The following MINDY4 variants were observed in gnomAD, a reference collection of about 807,000 sequenced individuals.
MINDY4 encodes probable ubiquitin carboxyl-terminal hydrolase MINDY-4.
Under a neutral mutation model 87.0 loss-of-function variants are expected in MINDY4, and 68 were observed. The observed-to-expected ratio is 0.78, with a 90% CI of 0.64 to 0.96. MINDY4 has a LOEUF of 0.96. Ranked by LOEUF, MINDY4 falls within the 40% of genes least tolerant of loss-of-function variation. MINDY4 has a pLI of 0.00. For synonymous variants in MINDY4, 379 were observed against 363.2 expected (o/e 1.04, Z -0.50); for missense variants, 919 against 928.2 (o/e 0.99, Z 0.13).
chr7:30,805,711 G>T (rs1025417296), intron 5 of MINDY4, among the ~76,000 whole-genome samples: 1 of 152,168 alleles, frequency 6.6e-6, no homozygotes, highest in Non-Finnish European at 1.5e-5. Context: ...GGGGCAGAAA[G>T]TCAACTGTCG....
At chr7:30,795,972 G>A (rs1787474198) in intron 5 of MINDY4, among the ~76,000 whole-genome samples, 1 of 152,176 alleles carries the variant, frequency 6.6e-6, no homozygotes, top group African/African-American at 2.4e-5. Context: ...CAGCTGATTA[G>A]CAACCTTGAT....
chr7:30,884,100 T>C (rs972086060), intron 17 of MINDY4, among the ~76,000 whole-genome samples: 3 of 152,004 alleles, frequency 2.0e-5, no homozygotes, highest in Admixed American at 6.5e-5. Context: ...TGACGGGGGA[T>C]GCAAAATGGT....
chr7:30,891,896 G>T, intron 17 of MINDY4, 61 bp from the exon 18 acceptor site: 2 of 1,547,074 alleles, frequency 1.3e-6, no homozygotes, highest in Non-Finnish European at 1.8e-6. Flanking sequence ...CAAGAGATGG[G>T]CTCTCATCTG....
intron 5 of MINDY4, among the ~76,000 whole-genome samples, chr7:30,807,719 A>G (rs1421829389): frequency 6.6e-6 from 1 of 152,240 alleles, no homozygotes; most frequent in Non-Finnish European, 1.5e-5. Context: ...ATTGTATAGA[A>G]AAGCACTATG....
At chr7:30,800,315 C>T (rs1787609226) in intron 5 of MINDY4, among the ~76,000 whole-genome samples, 1 of 152,200 alleles carries the variant, frequency 6.6e-6, no homozygotes, top group Non-Finnish European at 1.5e-5. Context: ...GGTTAGGATA[C>T]AGACTCCAGA....
intron 5 of MINDY4, 90 bp downstream of exon 5, chr7:30,791,664 T>G: frequency 7.5e-7 from 1 of 1,338,398 alleles, no homozygotes; most frequent in Non-Finnish European, 1.0e-6. Context: ...GAAGGGAACT[T>G]CTTAGTCTCC....
chr7:30,774,683 AATG>A (rs1006890391), intron 1 of MINDY4, among the ~76,000 whole-genome samples: 128 of 151,830 alleles, frequency 8.4e-4, no homozygotes, highest in African/African-American at 3.0e-3. Context: ...TTCTTGATCT[AATG>A]ATTATGTTTG....
At chr7:30,776,977 T>TTTTCTTTTTTCTTTTCC (rs1786838198) in intron 1 of MINDY4, among the ~76,000 whole-genome samples, 1 of 151,826 alleles carries the variant, frequency 6.6e-6, no homozygotes, top group Non-Finnish European at 1.5e-5. Context: ...ATTTCTTTTC[T>TTTTCTTTTTTCTTTTCC]TTTCTTTCCT....
At chr7:30,885,845 C>G (rs1754602672) in intron 17 of MINDY4, among the ~76,000 whole-genome samples, 1 of 152,154 alleles carries the variant, frequency 6.6e-6, no homozygotes, top group Non-Finnish European at 1.5e-5. Context: ...GTCTGTGTTC[C>G]ATGTCTGCGA....
At chr7:30,824,928 T>C (rs921926645) in intron 5 of MINDY4, among the ~76,000 whole-genome samples, 4 of 152,072 alleles carry the variant, frequency 2.6e-5, no homozygotes, top group Non-Finnish European at 5.9e-5. Flanking sequence ...AGAGATTGAG[T>C]CCTGGTCCCA....
chr7:30,817,406 A>G (rs1411032348), intron 5 of MINDY4, among the ~76,000 whole-genome samples: 1 of 147,780 alleles, frequency 6.8e-6, no homozygotes, highest in Admixed American at 6.7e-5. Flanking sequence ...CATTAAAAAA[A>G]TTTTTTTTAG....
chr7:30,785,723 T>G, intron 3 of MINDY4, 26 bp from the exon 4 acceptor site: 2 of 1,613,204 alleles, frequency 1.2e-6, no homozygotes, highest in Non-Finnish European at 8.5e-7. Flanking sequence ...GGAGTCTGTT[T>G]TAATGGAAAT....
At chr7:30,806,288 A>G (rs561228456) in intron 5 of MINDY4, among the ~76,000 whole-genome samples, 13 of 152,354 alleles carry the variant, frequency 8.5e-5, no homozygotes, top group South Asian at 2.1e-4. Context: ...AGAATTGAAC[A>G]GATTTGGGTG....
chr7:30,812,466 A>C (rs1454459377), intron 5 of MINDY4, among the ~76,000 whole-genome samples: 1 of 152,320 alleles, frequency 6.6e-6, no homozygotes, highest in East Asian at 1.9e-4. Flanking sequence ...ATGAATAGCT[A>C]ATAGGATCTA....
chr7:30,791,622 C>T (rs369576794), intron 5 of MINDY4, 48 bp downstream of exon 5: 57 of 1,545,134 alleles, frequency 3.7e-5, no homozygotes, highest in Non-Finnish European at 4.7e-5. Context: ...GAAGCTCCAC[C>T]TCTCACATGT....
rs546675850 is a variant in MINDY4, at chr7:30,824,331, G to A, written c.1074-4348G>A. Among the ~76,000 whole-genome samples the A allele has an allele frequency of 1.3e-3, 191 of 152,244 alleles. 1 individual carries two copies. Among genetic ancestry groups the A allele is most frequent in the African/African-American group, 4.5e-3 (185 of 41,526 alleles). ...CTCCCATAACAACTTGTTAATTTAT[G>A]ATCCCATTAATCCATTCATGAGGGC... On this transcript the variant is annotated intron_variant, in intron 5 of 17. Transcript: ENST00000265299.
chr7:30,818,323 A>G (rs900584456), intron 5 of MINDY4, among the ~76,000 whole-genome samples: 1 of 152,010 alleles, frequency 6.6e-6, no homozygotes, highest in Admixed American at 6.5e-5. Context: ...TTTATTTTAT[A>G]TTTTTGTATT....
At chr7:30,886,732 A>G (rs1790642531) in intron 17 of MINDY4, among the ~76,000 whole-genome samples, 1 of 152,086 alleles carries the variant, frequency 6.6e-6, no homozygotes, top group Admixed American at 6.5e-5. Context: ...TCCTAATTCA[A>G]ACCATCCCAG....
intron 5 of MINDY4, among the ~76,000 whole-genome samples, chr7:30,813,811 T>C (rs1439065733): frequency 6.6e-6 from 1 of 152,262 alleles, no homozygotes; most frequent in African/African-American, 2.4e-5. Flanking sequence ...TAAAGCAACA[T>C]GTTTCTTTCT....
Sources: allele counts gnomAD v4.1 joint callset (sites outside exome capture counted in the v4.1 genomes callset), GRCh38; gene constraint gnomAD v4.1.1; transcripts MANE v1.5; gene names NCBI Gene and HGNC (gene_info 2026-07-23, HGNC 2026-07-21).